Variants in PTPRD observed in about 807,000 individuals in gnomAD.
PTPRD encodes the protein receptor-type tyrosine-protein phosphatase delta.
A neutral mutation model predicts 214.5 loss-of-function variants in PTPRD; 34 were observed. That is an observed-to-expected ratio of 0.16 (90% CI 0.12 to 0.21). The LOEUF (loss-of-function observed/expected upper bound fraction) is 0.21. Among genes scored for constraint, PTPRD ranks in the 10% least tolerant of loss-of-function variants. The pLI is 1.00. For missense variants in PTPRD, 2,545 were observed against 2,398.7 expected (o/e 1.06, Z -1.27); for synonymous variants, 1,128 against 845.7 (o/e 1.33, Z -5.79).
intron 31 of PTPRD, among the ~76,000 whole-genome samples, chr9:8,466,524 A>C (rs1190382882): frequency 1.3e-5 from 2 of 151,946 alleles, no homozygotes; most frequent in African/African-American, 2.4e-5. Context: ...CGAGAAAATC[A>C]TACTAACAGT....
intron 7 of PTPRD, among the ~76,000 whole-genome samples, chr9:9,715,099 C>T (rs148398109): frequency 5.6e-4 from 86 of 152,246 alleles, no homozygotes; most frequent in African/African-American, 2.0e-3. Context: ...GATCCTCGTC[C>T]AAATAACTTT....
intron 7 of PTPRD, among the ~76,000 whole-genome samples, chr9:9,580,574 A>G (rs369219254): frequency 7.8e-6 from 1 of 128,378 alleles, no homozygotes; most frequent in Non-Finnish European, 1.6e-5. Context: ...TTTGAGACAG[A>G]GTCTTGCTCT....
intron 39 of PTPRD, among the ~76,000 whole-genome samples, chr9:8,351,682 G>T (rs1209859968): frequency 7.0e-6 from 1 of 142,556 alleles, no homozygotes; most frequent in East Asian, 2.1e-4. Flanking sequence ...TTAAAGAGTG[G>T]ATATCAGAAA....
At chr9:9,810,726 C>T (rs531514078) in intron 5 of PTPRD, among the ~76,000 whole-genome samples, 1 of 151,984 alleles carries the variant, frequency 6.6e-6, no homozygotes, top group South Asian at 2.1e-4. Flanking sequence ...CCTGCTAACA[C>T]AATATCCATA....
chr9:8,394,748 C>T (rs749227668), intron 36 of PTPRD, among the ~76,000 whole-genome samples: 4 of 152,122 alleles, frequency 2.6e-5, no homozygotes, highest in East Asian at 1.9e-4. Context: ...TAGGTAGGAA[C>T]GCACTCTGAT....
intron 2 of PTPRD, among the ~76,000 whole-genome samples, chr9:10,402,192 T>A (rs2098280316): frequency 6.6e-6 from 1 of 151,722 alleles, no homozygotes; most frequent in African/African-American, 2.4e-5. Context: ...AAATATTATT[T>A]AGATATCTTC....
chr9:9,666,750 C>T (rs1456552296), intron 7 of PTPRD, among the ~76,000 whole-genome samples: 1 of 151,880 alleles, frequency 6.6e-6, no homozygotes. Context: ...TCAATGAGTT[C>T]CACACATTCT....
chr9:10,554,357 G>A (rs992135478), intron 2 of PTPRD, among the ~76,000 whole-genome samples: 2 of 152,116 alleles, frequency 1.3e-5, no homozygotes, highest in Admixed American at 6.5e-5. Context: ...ATAATTTCCA[G>A]GACCATTTCC....
intron 2 of PTPRD, among the ~76,000 whole-genome samples, chr9:10,359,213 A>T (rs796939408): frequency 2.6e-5 from 4 of 152,142 alleles, no homozygotes; most frequent in African/African-American, 9.6e-5. Flanking sequence ...AATAATGGGA[A>T]GATGTAGGTG....
intron 6 of PTPRD, among the ~76,000 whole-genome samples, chr9:9,759,614 G>C (rs999355053): frequency 3.7e-5 from 5 of 134,608 alleles, no homozygotes; most frequent in Non-Finnish European, 7.6e-5. Context: ...CTGAAGTGTA[G>C]TGACGCGATC....
intron 3 of PTPRD, among the ~76,000 whole-genome samples, chr9:10,314,858 C>T (rs1482877453): frequency 1.3e-5 from 2 of 151,866 alleles, no homozygotes. Context: ...CATTATTATA[C>T]AGCCAAGTAT....
At chr9:8,845,236 C>A (rs1229111590) in intron 11 of PTPRD, among the ~76,000 whole-genome samples, 1 of 151,424 alleles carries the variant, frequency 6.6e-6, no homozygotes, top group South Asian at 2.1e-4. Context: ...TAACAGTTAA[C>A]ACCACTTATA....
At chr9:9,995,952 T>C (rs2096107236) in intron 4 of PTPRD, among the ~76,000 whole-genome samples, 1 of 152,198 alleles carries the variant, frequency 6.6e-6, no homozygotes. Flanking sequence ...CATTTATTTC[T>C]ACCAGATCTT....
At chr9:10,485,275 A>T (rs1424925673) in intron 2 of PTPRD, among the ~76,000 whole-genome samples, 1 of 152,094 alleles carries the variant, frequency 6.6e-6, no homozygotes, top group Admixed American at 6.5e-5. Flanking sequence ...GCCCTGTGGT[A>T]TGATTTAAAG....
At chr9:9,153,922 G>C (rs1387810287) in intron 10 of PTPRD, among the ~76,000 whole-genome samples, 13 of 152,142 alleles carry the variant, frequency 8.5e-5, no homozygotes, top group Admixed American at 8.5e-4. Context: ...TGGTGTTATT[G>C]TTCTGCAAAT....
chr9:8,496,887 T>C (rs772057313), intron 26 of PTPRD, among the ~76,000 whole-genome samples: 15 of 152,330 alleles, frequency 9.8e-5, no homozygotes, highest in South Asian at 4.1e-4. Flanking sequence ...GTATTTTATG[T>C]GTGGTCCAAG....
At chr9:9,197,393 C>T (rs2099939222) in intron 9 of PTPRD, among the ~76,000 whole-genome samples, 1 of 152,124 alleles carries the variant, frequency 6.6e-6, no homozygotes, top group Non-Finnish European at 1.5e-5. Flanking sequence ...CTCTAACACA[C>T]CTGTCATCTG....
At chr9:8,728,647 T>C (rs1268772800) in intron 12 of PTPRD, among the ~76,000 whole-genome samples, 1 of 152,266 alleles carries the variant, frequency 6.6e-6, no homozygotes, top group Non-Finnish European at 1.5e-5. Context: ...ATGCAATCAT[T>C]TGCCCTGCTT....
intron 11 of PTPRD, among the ~76,000 whole-genome samples, chr9:8,878,879 T>C (rs1057183930): frequency 3.3e-5 from 5 of 152,154 alleles, no homozygotes; most frequent in African/African-American, 9.7e-5. Context: ...TTGGGGTGCA[T>C]AGCATAAGAA....
Sources: gnomAD v4.1 joint callset for allele counts (sites outside exome capture counted in the v4.1 genomes callset) on GRCh38, gnomAD v4.1.1 for gene constraint, MANE v1.5 for transcripts, NCBI Gene and HGNC (gene_info 2026-07-23, HGNC 2026-07-21) for gene names.